The following PDE11A variants were observed in gnomAD, a reference collection of about 807,000 sequenced individuals.
PDE11A encodes dual 3',5'-cyclic-AMP and -GMP phosphodiesterase 11A.
In PDE11A, 100 loss-of-function variants were observed where a neutral mutation model predicts 100.5. That is an observed-to-expected ratio of 1.00 (90% CI 0.85 to 1.18). The LOEUF (loss-of-function observed/expected upper bound fraction) is 1.18. Ranked by LOEUF, PDE11A falls within the 50% of genes most tolerant of loss-of-function variation. The pLI, the probability that PDE11A is intolerant of heterozygous loss-of-function variation, is 0.00. For synonymous variants in PDE11A, 381 were observed against 420.8 expected, an observed-to-expected ratio of 0.91 and a Z score of 1.16; for missense variants, 1,141 against 1,152.6, an observed-to-expected ratio of 0.99 and a Z score of 0.15.
chr2:177,849,072 T>A (rs535111260), intron 5 of PDE11A, among the ~76,000 whole-genome samples: 1 of 152,312 alleles, frequency 6.6e-6, no homozygotes, highest in South Asian at 2.1e-4. Flanking sequence ...GACAACTAGT[T>A]TGGCCTCTAC....
At chr2:178,026,566 C>G (rs2086480979) in intron 1 of PDE11A, among the ~76,000 whole-genome samples, 1 of 150,978 alleles carries the variant, frequency 6.6e-6, no homozygotes, top group Admixed American at 6.6e-5. Context: ...GAGGCTGAGG[C>G]AGGAGAATCA....
intron 1 of PDE11A, among the ~76,000 whole-genome samples, chr2:178,022,167 G>T (rs1056345179): frequency 2.0e-5 from 3 of 152,170 alleles, no homozygotes; most frequent in African/African-American, 7.2e-5. Context: ...GGTGGTTAGT[G>T]GTAGTAGGAG....
At chr2:177,828,259 T>C (rs1228669393) in intron 6 of PDE11A, among the ~76,000 whole-genome samples, 2 of 152,160 alleles carry the variant, frequency 1.3e-5, no homozygotes, top group African/African-American at 2.4e-5. Flanking sequence ...TATAAATATG[T>C]ATTAAGTTCA....
intron 5 of PDE11A, among the ~76,000 whole-genome samples, chr2:177,855,124 C>T (rs2083808469): frequency 1.3e-5 from 2 of 152,024 alleles, no homozygotes; most frequent in Non-Finnish European, 2.9e-5. Flanking sequence ...TACATCCTTC[C>T]TAGCAGAGGC....
intron 4 of PDE11A, among the ~76,000 whole-genome samples, chr2:177,881,035 T>C (rs1031159237): frequency 1.3e-5 from 2 of 152,162 alleles, no homozygotes; most frequent in African/African-American, 2.4e-5. Context: ...AATCAATAAA[T>C]TGAGTAAAGA....
intron 2 of PDE11A, chr2:177,927,115 C>T (rs888262101): frequency 1.3e-4 from 20 of 152,298 alleles, no homozygotes; most frequent in African/African-American, 4.6e-4. Flanking sequence ...TCTTGGCCTT[C>T]GCACAAGTGA....
chr2:178,056,577 A>C (rs2086902026), intron 1 of PDE11A, among the ~76,000 whole-genome samples: 1 of 152,200 alleles, frequency 6.6e-6, no homozygotes, highest in Non-Finnish European at 1.5e-5. Flanking sequence ...AATAAATTAC[A>C]ACCAAGGGCC....
At chr2:177,688,218 T>G (rs766136371) in intron 15 of PDE11A, 13 of 152,238 alleles carry the variant, frequency 8.5e-5, no homozygotes, top group Non-Finnish European at 1.8e-4. Flanking sequence ...CAGACAGGGT[T>G]CTTTCCATCA....
intron 19 of PDE11A, among the ~76,000 whole-genome samples, chr2:177,652,768 G>A (rs1472217819): frequency 3.3e-5 from 5 of 152,114 alleles, no homozygotes; most frequent in African/African-American, 4.8e-5. Context: ...CAGGCATTTT[G>A]GCCTTGTTTT....
chr2:177,643,272 G>T (rs1016005684), intron 19 of PDE11A, among the ~76,000 whole-genome samples: 2 of 152,176 alleles, frequency 1.3e-5, no homozygotes, highest in African/African-American at 4.8e-5. Context: ...CTCCCTAAAG[G>T]CTTGTTGAGT....
At chr2:177,930,401 A>G (rs1180930573) in intron 2 of PDE11A, among the ~76,000 whole-genome samples, 2 of 152,202 alleles carry the variant, frequency 1.3e-5, no homozygotes, top group Non-Finnish European at 2.9e-5. Context: ...GATGAGTTGT[A>G]AATGAGCTTA....
Position 177,899,111 on chromosome 2 carries a change from C to T in PDE11A, c.1162-913G>A, listed in dbSNP as rs568336185. Among the ~76,000 whole-genome samples, 94 of 152,224 alleles carry T rather than the reference C, an allele frequency of 6.2e-4. No individual in the cohort carries two copies. In the Middle Eastern group the frequency reaches 0.01, roughly 17 times the overall value. ...GATTTTTCTGCAATGCAACTAGGTA[C>T]AAACCCAATATTTTGGCCGGGCGCA... is the stretch of plus-strand genomic sequence containing the variant. On this transcript the variant is annotated intron_variant, in intron 3 of 19. Coordinates refer to ENST00000286063, the MANE Select transcript of PDE11A (RefSeq NM_016953.4).
chr2:177,791,192 A>C (rs375458718), intron 9 of PDE11A, among the ~76,000 whole-genome samples: 6 of 151,928 alleles, frequency 3.9e-5, no homozygotes, highest in Non-Finnish European at 8.8e-5. Context: ...ATACACCATG[A>C]AATACTATGC....
At chr2:177,764,127 CT>C (rs1275892866) in intron 10 of PDE11A, among the ~76,000 whole-genome samples, 1 of 152,178 alleles carries the variant, frequency 6.6e-6, no homozygotes, top group Non-Finnish European at 1.5e-5. Flanking sequence ...TCATAAGATC[CT>C]ATTTTTGATG....
At chr2:177,691,635 A>G (rs1217805751) in intron 15 of PDE11A, among the ~76,000 whole-genome samples, 1 of 152,168 alleles carries the variant, frequency 6.6e-6, no homozygotes, top group Non-Finnish European at 1.5e-5. Flanking sequence ...TGAGCAATTT[A>G]CTGAATCACT....
chr2:178,039,456 T>C (rs534505363), intron 1 of PDE11A, among the ~76,000 whole-genome samples: 1 of 151,988 alleles, frequency 6.6e-6, no homozygotes, highest in African/African-American at 2.4e-5. Flanking sequence ...GGTGATGAAA[T>C]AGTTACACAG....
chr2:177,967,619 G>A (rs567794509), intron 2 of PDE11A, among the ~76,000 whole-genome samples: 2 of 152,018 alleles, frequency 1.3e-5, no homozygotes, highest in African/African-American at 4.8e-5. Context: ...AAAGCATCTA[G>A]TATAGACTGA....
chr2:177,824,563 A>G (rs2083197192), intron 6 of PDE11A, among the ~76,000 whole-genome samples: 1 of 152,204 alleles, frequency 6.6e-6, no homozygotes, highest in African/African-American at 2.4e-5. Flanking sequence ...TCCAGAGCCT[A>G]AAAAGTATAA....
intron 5 of PDE11A, among the ~76,000 whole-genome samples, chr2:177,874,738 G>A (rs2084202582): frequency 6.6e-6 from 1 of 152,170 alleles, no homozygotes; most frequent in Admixed American, 6.5e-5. Context: ...TAGGCTGTCT[G>A]TACAGCTAAG....
Sources: gnomAD v4.1 joint callset for allele counts (sites outside exome capture counted in the v4.1 genomes callset) on GRCh38, gnomAD v4.1.1 for gene constraint, MANE v1.5 for transcripts, NCBI Gene and HGNC (gene_info 2026-07-23, HGNC 2026-07-21) for gene names.